Variants in PLEK observed in about 807,000 individuals in gnomAD.
PLEK encodes platelet 47 kDa protein.
PLEK carries 25 observed loss-of-function variants against 43.9 expected under a neutral mutation model. The observed-to-expected ratio is 0.57, with a 90% CI of 0.41 to 0.79. The LOEUF (loss-of-function observed/expected upper bound fraction) is 0.79. Among genes scored for constraint, PLEK ranks in the 30% least tolerant of loss-of-function variants. The pLI, the probability that PLEK is intolerant of heterozygous loss-of-function variation, is 0.00. For synonymous variants in PLEK, 152 were observed against 144.4 expected, an observed-to-expected ratio of 1.05 and a Z score of -0.38; for missense variants, 396 against 413.3, an observed-to-expected ratio of 0.96 and a Z score of 0.36.
At chr2:68,387,220 G>A (rs1165347422) in intron 5 of PLEK, among the ~76,000 whole-genome samples, 3 of 152,130 alleles carry the variant, frequency 2.0e-5, no homozygotes, top group Non-Finnish European at 2.9e-5. Flanking sequence ...TGGCCAGGCT[G>A]GTCTCGAACT....
At position 68,396,044 on chromosome 2, in the gene PLEK, C is replaced by A. The variant is rs1284857757; in HGVS notation, c.*228C>A. The A allele has an allele frequency of 1.6e-5, 8 of 486,624 alleles. No homozygotes were observed. Among genetic ancestry groups the A allele is most frequent in the African/African-American group, 9.6e-5 (5 of 52,202 alleles). 30.1% of individuals were successfully genotyped at this position (486,624 alleles called of 1,614,324 possible). On this transcript the variant is annotated 3_prime_UTR_variant, in exon 9 of 9. Coordinates refer to ENST00000234313, the MANE Select transcript of PLEK (RefSeq NM_002664.3). ...ATCCATGACCCCCAAGCAGATATAACAAGCTGTGCAGCCTCAGTAGGCTGC... is the reference window on the plus strand; with the variant it reads ...ATCCATGACCCCCAAGCAGATATAAAAAGCTGTGCAGCCTCAGTAGGCTGC...
chr2:68,383,292 G>A (rs939294069), intron 4 of PLEK, among the ~76,000 whole-genome samples: 1 of 152,198 alleles, frequency 6.6e-6, no homozygotes, highest in African/African-American at 2.4e-5. Flanking sequence ...TATGGTGCAA[G>A]CTCAAGTGGT....
chr2:68,374,623 C>G (rs549430472), intron 1 of PLEK, among the ~76,000 whole-genome samples: 172 of 152,274 alleles, frequency 1.1e-3, no homozygotes, highest in Non-Finnish European at 2.1e-3. Context: ...CAGATAAAGA[C>G]AGAGACATTT....
At chr2:68,382,742 C>A in intron 4 of PLEK, 109 bp downstream of exon 4, 1 of 636,886 alleles carries the variant, frequency 1.6e-6, no homozygotes, top group Admixed American at 2.4e-5. Flanking sequence ...TGGAAGGGGT[C>A]CCAGAATGCA....
Position 68,380,807 on chromosome 2 carries a change from G to C in PLEK, c.283G>C (p.Asp95His), listed in dbSNP as rs1673597969. Residue 95 changes from aspartate (D) to histidine (H), a missense_variant, in exon 3 of 9, where the codon GAT becomes CAT. Asp to His is a moderately conservative substitution (Grantham distance 81). Transcript: ENST00000234313. ...FLEERDAWVR[D>H]IKKAIKCIEG... is the part of the protein sequence containing the mutation. ...GGAGGAGAGAGATGCCTGGGTTCGGGATATCAAGAAGGCCATTAAATGCAT... is the reference window on the plus strand; with the variant it reads ...GGAGGAGAGAGATGCCTGGGTTCGGCATATCAAGAAGGCCATTAAATGCAT... 6.2e-7 allele frequency: 1 copy of C among 1,613,880 alleles called. No individual in the cohort carries two copies. Among genetic ancestry groups the C allele is most frequent in the Non-Finnish European group, 8.5e-7 (1 of 1,179,928 alleles).
intron 1 of PLEK, among the ~76,000 whole-genome samples, chr2:68,379,850 CCTGATA>C (rs2103769679): frequency 6.6e-6 from 1 of 152,160 alleles, no homozygotes; most frequent in South Asian, 2.1e-4. Context: ...AAGGAAAGTA[CCTGATA>C]ATGTAATTGC....
At chr2:68,388,274 A>G (rs1361810956) in intron 5 of PLEK, 113 bp from the exon 6 acceptor site, 9 of 682,374 alleles carry the variant, frequency 1.3e-5, no homozygotes, top group Admixed American at 8.1e-5. Context: ...ACAGGAATGG[A>G]GGAAAAAGGA....
chr2:68,377,513 G>A (rs1407876186), intron 1 of PLEK, among the ~76,000 whole-genome samples: 1 of 152,128 alleles, frequency 6.6e-6, no homozygotes, highest in Non-Finnish European at 1.5e-5. Context: ...GCATTTCTCT[G>A]ATGATCAGTG....
At chr2:68,375,324 T>C (rs1273949225) in intron 1 of PLEK, among the ~76,000 whole-genome samples, 1 of 152,228 alleles carries the variant, frequency 6.6e-6, no homozygotes, top group Non-Finnish European at 1.5e-5. Flanking sequence ...CATTTGGATG[T>C]TTTCTTTACT....
At chr2:68,367,584 A>G (rs1227251347) in intron 1 of PLEK, among the ~76,000 whole-genome samples, 1 of 152,240 alleles carries the variant, frequency 6.6e-6, no homozygotes, top group Non-Finnish European at 1.5e-5. Context: ...AGTTTCCTTC[A>G]GTTACCTCAC....
chr2:68,385,336 T>A (rs1673715638), intron 4 of PLEK, among the ~76,000 whole-genome samples: 1 of 152,194 alleles, frequency 6.6e-6, no homozygotes, highest in Non-Finnish European at 1.5e-5. Flanking sequence ...CAATTTCATT[T>A]TCTTCTCTTT....
At chr2:68,374,239 C>T (rs1673461702) in intron 1 of PLEK, among the ~76,000 whole-genome samples, 1 of 152,180 alleles carries the variant, frequency 6.6e-6, no homozygotes, top group Non-Finnish European at 1.5e-5. Flanking sequence ...GCCATTATCA[C>T]ATCTAAGAAA....
intron 1 of PLEK, among the ~76,000 whole-genome samples, chr2:68,376,438 G>A (rs1004250786): frequency 5.9e-5 from 9 of 152,062 alleles, no homozygotes; most frequent in African/African-American, 2.2e-4. Context: ...TTGTGCAAAT[G>A]TGGACCACCT....
intron 6 of PLEK, among the ~76,000 whole-genome samples, chr2:68,389,914 G>C (rs1331906043): frequency 6.6e-6 from 1 of 152,096 alleles, no homozygotes; most frequent in Non-Finnish European, 1.5e-5. Flanking sequence ...GAGTAACTTG[G>C]GAGGAAATTT....
chr2:68,386,477 C>T (rs1193261788), intron 4 of PLEK, 25 bp from the exon 5 acceptor site: 1 of 1,598,608 alleles, frequency 6.3e-7, no homozygotes, highest in East Asian at 2.2e-5. Flanking sequence ...GGAGAGTTAA[C>T]CTTCCCTGTG....
chr2:68,387,101 G>T (rs1673762664), intron 5 of PLEK, among the ~76,000 whole-genome samples: 1 of 152,116 alleles, frequency 6.6e-6, no homozygotes, highest in South Asian at 2.1e-4. Flanking sequence ...CGCCTCCCGG[G>T]TTCAAGCGAT....
At chr2:68,382,496 G>A (rs956347225) in intron 3 of PLEK, 46 bp from the exon 4 acceptor site, 6 of 1,152,000 alleles carry the variant, frequency 5.2e-6, no homozygotes, top group African/African-American at 1.6e-5. Context: ...ATCCAACTGG[G>A]TTTTTTTTTG....
At chr2:68,385,067 G>C (rs993705821) in intron 4 of PLEK, among the ~76,000 whole-genome samples, 1 of 152,192 alleles carries the variant, frequency 6.6e-6, no homozygotes, top group Admixed American at 6.5e-5. Context: ...CAGGCAGGCT[G>C]TCATGTTGAC....
intron 7 of PLEK, among the ~76,000 whole-genome samples, chr2:68,393,876 A>G (rs367655111): frequency 5.6e-4 from 86 of 152,292 alleles, no homozygotes; most frequent in African/African-American, 2.0e-3. Flanking sequence ...ATTGAAGTCC[A>G]GATCGTCTTG....
Sources: allele counts gnomAD v4.1 joint callset (sites outside exome capture counted in the v4.1 genomes callset), GRCh38; gene constraint gnomAD v4.1.1; transcripts MANE v1.5; gene names NCBI Gene and HGNC (gene_info 2026-07-23, HGNC 2026-07-21).